CCDC117: variants seen among roughly 807,000 people sequenced by gnomAD.
The protein encoded by CCDC117 is coiled-coil domain containing 117, also known as coiled-coil domain-containing protein 117.
CCDC117 carries 1 observed loss-of-function variant against 23.5 expected under a neutral mutation model. The observed-to-expected ratio is 0.04, with a 90% confidence interval of 0.02 to 0.20. The LOEUF is 0.20. CCDC117 is among the 10% of genes least tolerant of loss of function. The pLI is 1.00. For missense variants in CCDC117, 383 were observed against 348.2 expected (o/e 1.10, Z -0.80); for synonymous variants, 132 against 124.8 (o/e 1.06, Z -0.39).
At chr22:28,783,952 G>A (rs970440050) in intron 4 of CCDC117, among the ~76,000 whole-genome samples, 1 of 152,126 alleles carries the variant, frequency 6.6e-6, no homozygotes, top group Non-Finnish European at 1.5e-5. Context: ...CTGTGATACA[G>A]GAACCACATT....
At chr22:28,782,250 CTTTTTTTTTTTTT>C (rs34670753) in intron 3 of CCDC117, among the ~76,000 whole-genome samples, 9 of 80,320 alleles carry the variant, frequency 1.1e-4, no homozygotes, top group East Asian at 5.1e-4. Context: ...TCTACTGAGC[CTTTTTTTTTTTTT>C]TTTTTTTTTT....
chr22:28,781,230 A>G, intron 3 of CCDC117, 58 bp downstream of exon 3: 2 of 965,622 alleles, frequency 2.1e-6, no homozygotes, highest in Non-Finnish European at 3.2e-6. Flanking sequence ...AACTCTGCTC[A>G]TATAAGCTAG....
At chr22:28,785,972 TCTC>T (rs2031497557) in intron 4 of CCDC117, 114 bp from the exon 5 acceptor site, 2 of 676,184 alleles carry the variant, frequency 3.0e-6, no homozygotes, top group African/African-American at 3.6e-5. Context: ...GTGTTCTAAA[TCTC>T]CTGTTTTGCT....
intron 2 of CCDC117, among the ~76,000 whole-genome samples, chr22:28,780,501 TCATG>T (rs1425096768): frequency 6.6e-6 from 1 of 152,178 alleles, no homozygotes; most frequent in Non-Finnish European, 1.5e-5. Context: ...ATTCATTCAT[TCATG>T]GTTTGAATTA....
chr22:28,785,291 TGATACTCCCA>T (rs951597580), intron 4 of CCDC117, among the ~76,000 whole-genome samples: 3 of 151,064 alleles, frequency 2.0e-5, no homozygotes, highest in African/African-American at 7.3e-5. Flanking sequence ...TGGGCTCAGG[TGATACTCCCA>T]CCTCAGCCTC....
intron 2 of CCDC117, among the ~76,000 whole-genome samples, chr22:28,778,372 C>T (rs2031229275): frequency 6.6e-6 from 1 of 152,038 alleles, no homozygotes; most frequent in Admixed American, 6.6e-5. Flanking sequence ...CTTTGGGAGG[C>T]CGAGGCAGGC....
intron 2 of CCDC117, among the ~76,000 whole-genome samples, chr22:28,777,725 G>A (rs554741686): frequency 1.3e-5 from 2 of 151,672 alleles, no homozygotes; most frequent in South Asian, 2.1e-4. Context: ...AGTCAGGATG[G>A]TCTTGATTCC....
chr22:28,785,924 TAAAAAAAAA>T (rs35631283), intron 4 of CCDC117, among the ~76,000 whole-genome samples, 156 bp from the exon 5 acceptor site: 5 of 136,044 alleles, frequency 3.7e-5, no homozygotes, highest in Non-Finnish European at 6.3e-5. Context: ...CCCCATCTCT[TAAAAAAAAA>T]AAAAAAAAGA....
chr22:28,781,858 G>A, intron 3 of CCDC117, among the ~76,000 whole-genome samples: 1 of 150,414 alleles, frequency 6.6e-6, no homozygotes, highest in Non-Finnish European at 1.5e-5. Flanking sequence ...GGTCAGGCTG[G>A]TCTGGAACAC....
rs768694822 is a variant in CCDC117, at chr22:28,786,344, A to G, written c.*18A>G. ...AACTCTAGAAACCAATTTCTACACTAAAGTTGTCAAATGTTAGAAGAATCC... is the reference window on the plus strand; with the variant it reads ...AACTCTAGAAACCAATTTCTACACTGAAGTTGTCAAATGTTAGAAGAATCC... On this transcript the variant is annotated 3_prime_UTR_variant, in exon 5 of 5. Transcript: ENST00000249064. 5.2e-6 allele frequency: 8 copies of G among 1,550,154 alleles called. No homozygotes were observed. Among genetic ancestry groups the G allele is most frequent in the African/African-American group, 1.4e-5 (1 of 73,242 alleles).
chr22:28,782,073 G>A (rs1305610326), intron 3 of CCDC117, among the ~76,000 whole-genome samples: 5 of 151,544 alleles, frequency 3.3e-5, no homozygotes, highest in Non-Finnish European at 7.4e-5. Context: ...AAGTGGCTGG[G>A]ACTGCAGGCA....
In CCDC117 at chr22:28,773,729, T is replaced by G. The variant is rs757703946; in HGVS notation, c.190T>G (p.Ser64Ala). 5.6e-6 allele frequency: 9 copies of G among 1,613,320 alleles called. No individual in the cohort carries two copies. In the South Asian group the frequency reaches 8.8e-5, roughly 16 times the overall value. ...GATTTTTGTTTGTTTCAACAGTGTT[T>G]CTGTTCACTGTAAAAAGAAACACAA... ...PAGSAARGRV[S>A]VHCKKKHKRE... Residue 64 changes from serine to alanine, a missense_variant, in exon 2 of 5, where the codon TCT becomes GCT. Coordinates refer to ENST00000249064, the MANE Select transcript of CCDC117 (RefSeq NM_173510.4).
chr22:28,785,268 A>C (rs1236302084), intron 4 of CCDC117, among the ~76,000 whole-genome samples: 2 of 151,806 alleles, frequency 1.3e-5, no homozygotes, highest in East Asian at 3.9e-4. Context: ...AGCTCACCAC[A>C]GCCTTGACCT....
At chr22:28,775,976 T>C (rs2031152168) in intron 2 of CCDC117, among the ~76,000 whole-genome samples, 1 of 152,166 alleles carries the variant, frequency 6.6e-6, no homozygotes, top group African/African-American at 2.4e-5. Context: ...CATTAGTCTT[T>C]AGGGAAATGT....
chr22:28,784,368 C>T (rs561448753), intron 4 of CCDC117, among the ~76,000 whole-genome samples: 2 of 152,244 alleles, frequency 1.3e-5, no homozygotes, highest in Admixed American at 1.3e-4. Context: ...TCCGTGAAGC[C>T]TCCGTGATCT....
At position 28,781,335 on chromosome 22, in the gene CCDC117, GTTTTTTTTTTTTTTTT is replaced by G. The variant is rs1179781447; in HGVS notation, c.464+181_464+196del. ...GTATTCGTTTTTGTTTTTTTGTTTT[GTTTTTTTTTTTTTTTT>G]TTTTTTTTTTTTTTTTTGAGACGGA... On this transcript the variant is annotated intron_variant, in intron 3 of 4. Coordinates refer to ENST00000249064, the MANE Select transcript of CCDC117 (RefSeq NM_173510.4). 5.4e-4 allele frequency among the ~76,000 whole-genome samples: 8 copies of G among 14,824 alleles called. 1 individual carries two copies. Among genetic ancestry groups the G allele is most frequent in the Admixed American group, 2.8e-3 (3 of 1,054 alleles). The allele number at this position is 14,824 out of a possible 152,430, so 9.7% of individuals were successfully genotyped here.
chr22:28,778,040 T>A (rs1210204897), intron 2 of CCDC117, among the ~76,000 whole-genome samples: 1 of 151,448 alleles, frequency 6.6e-6, no homozygotes, highest in Non-Finnish European at 1.5e-5. Context: ...AAAGGCAGGG[T>A]TTCACCCTGT....
chr22:28,781,958 T>A (rs2031352010), intron 3 of CCDC117, among the ~76,000 whole-genome samples: 2 of 151,082 alleles, frequency 1.3e-5, no homozygotes, highest in South Asian at 4.2e-4. Flanking sequence ...CCTTTTTTTT[T>A]TTTAAATTGA....
At chr22:28,777,617 C>G (rs2031206125) in intron 2 of CCDC117, among the ~76,000 whole-genome samples, 1 of 150,990 alleles carries the variant, frequency 6.6e-6, no homozygotes, top group Non-Finnish European at 1.5e-5. Context: ...TCAAGCGATT[C>G]TCCTGCCTCA....
Sources: gnomAD v4.1 joint callset for allele counts (sites outside exome capture counted in the v4.1 genomes callset) on GRCh38, gnomAD v4.1.1 for gene constraint, MANE v1.5 for transcripts, NCBI Gene and HGNC (gene_info 2026-07-23, HGNC 2026-07-21) for gene names.